CDH13: variants seen among roughly 807,000 people sequenced by gnomAD.
CDH13 encodes the protein cadherin-13.
CDH13 carries 24 observed loss-of-function variants against 63.8 expected under a neutral mutation model. The ratio of observed to expected loss-of-function variants is 0.38; its 90% CI spans 0.27 to 0.53. CDH13 has a LOEUF of 0.53. CDH13 is among the 20% of genes least tolerant of loss of function. CDH13 has a pLI of 0.85. For synonymous variants in CDH13, 503 were observed against 355.3 expected (o/e 1.42, Z -4.67); for missense variants, 1,049 against 903.1 (o/e 1.16, Z -2.07).
At chr16:83,163,612 C>A (rs574590612) in intron 4 of CDH13, among the ~76,000 whole-genome samples, 1 of 152,192 alleles carries the variant, frequency 6.6e-6, no homozygotes, top group African/African-American at 2.4e-5. Context: ...TCAGATGGAA[C>A]CATATGACTA....
intron 1 of CDH13, chr16:82,826,279 A>T (rs2086274354): frequency 1.3e-5 from 2 of 152,204 alleles, no homozygotes; most frequent in Admixed American, 1.3e-4. Context: ...CTTTCTCATG[A>T]AGTTAGACTG....
At chr16:83,685,400 A>T (rs1440692510) in intron 10 of CDH13, among the ~76,000 whole-genome samples, 1 of 152,208 alleles carries the variant, frequency 6.6e-6, no homozygotes, top group Non-Finnish European at 1.5e-5. Flanking sequence ...ATGATACTAG[A>T]TATTTGCATA....
chr16:82,883,085 C>T (rs887290755), intron 2 of CDH13, among the ~76,000 whole-genome samples: 8 of 152,076 alleles, frequency 5.3e-5, no homozygotes, highest in African/African-American at 1.9e-4. Context: ...TATAGAATGC[C>T]ATCACCTGAG....
intron 8 of CDH13, among the ~76,000 whole-genome samples, chr16:83,617,853 C>G (rs1909427854): frequency 6.6e-6 from 1 of 151,844 alleles, no homozygotes. Context: ...TGCACATGTC[C>G]TAATACGTAC....
At chr16:83,321,929 C>G (rs999254398) in intron 5 of CDH13, among the ~76,000 whole-genome samples, 13 of 152,182 alleles carry the variant, frequency 8.5e-5, no homozygotes, top group African/African-American at 2.4e-4. Context: ...GGGCCAGATT[C>G]AGTCCATGGA....
chr16:83,348,848 T>TA (rs1186986362), intron 6 of CDH13, among the ~76,000 whole-genome samples: 21 of 152,366 alleles, frequency 1.4e-4, no homozygotes, highest in African/African-American at 5.0e-4. Flanking sequence ...AAATGTACAA[T>TA]GAATGCCTTT....
At chr16:83,390,644 C>A (rs1444471840) in intron 6 of CDH13, among the ~76,000 whole-genome samples, 6 of 152,090 alleles carry the variant, frequency 3.9e-5, no homozygotes. Context: ...TGTCTCCCCA[C>A]CCCAACAGCC....
chr16:83,321,768 T>G (rs2090232386), intron 5 of CDH13, among the ~76,000 whole-genome samples: 1 of 152,184 alleles, frequency 6.6e-6, no homozygotes, highest in African/African-American at 2.4e-5. Context: ...GACCTCGTAA[T>G]CTGCCTGCCT....
At chr16:83,387,678 A>C (rs1349724530) in intron 6 of CDH13, among the ~76,000 whole-genome samples, 2 of 152,228 alleles carry the variant, frequency 1.3e-5, no homozygotes, top group Non-Finnish European at 2.9e-5. Flanking sequence ...AGCTCAGGGC[A>C]AGTCTTGGAC....
At chr16:83,178,603 G>A (rs1258881805) in intron 4 of CDH13, among the ~76,000 whole-genome samples, 1 of 152,176 alleles carries the variant, frequency 6.6e-6, no homozygotes, top group African/African-American at 2.4e-5. Context: ...TTTTAAAAAT[G>A]ATCACTTTGT....
chr16:82,706,691 C>A (rs2031521082), intron 1 of CDH13, among the ~76,000 whole-genome samples: 1 of 150,668 alleles, frequency 6.6e-6, no homozygotes, highest in Admixed American at 6.6e-5. Context: ...GTAATCCCAG[C>A]TACTTGGAAG....
At chr16:83,622,984 A>C (rs1909951635) in intron 8 of CDH13, among the ~76,000 whole-genome samples, 1 of 152,186 alleles carries the variant, frequency 6.6e-6, no homozygotes, top group Non-Finnish European at 1.5e-5. Context: ...TCTTACAAAT[A>C]AATTCAGAGT....
At chr16:82,698,826 C>T (rs758009849) in intron 1 of CDH13, among the ~76,000 whole-genome samples, 1 of 152,178 alleles carries the variant, frequency 6.6e-6, no homozygotes, top group Non-Finnish European at 1.5e-5. Flanking sequence ...CACACATTGC[C>T]TTTAAAAGGA....
chr16:83,662,780 G>A (rs879703974), intron 8 of CDH13, among the ~76,000 whole-genome samples: 2 of 152,140 alleles, frequency 1.3e-5, no homozygotes, highest in African/African-American at 2.4e-5. Context: ...TTTCCCCAGG[G>A]CGCCATTATT....
intron 1 of CDH13, among the ~76,000 whole-genome samples, chr16:82,790,761 C>G (rs985871672): frequency 1.3e-5 from 2 of 152,096 alleles, no homozygotes; most frequent in African/African-American, 4.8e-5. Flanking sequence ...AAGGAGAGTG[C>G]CAAGGGAAGA....
At position 83,202,748 on chromosome 16, in the gene CDH13, G is replaced by A. The variant is rs570176143; in HGVS notation, c.484-14597G>A. Among the ~76,000 whole-genome samples the A allele has an allele frequency of 2.6e-5, 4 of 152,278 alleles. No individual in the cohort carries two copies. In the South Asian group the frequency reaches 6.2e-4, roughly 24 times the overall value. ...GTTCATGTTGATTACTAGCAAATGG[G>A]AATAGTGCCAGGTTCATAATGCTGA... is the stretch of plus-strand genomic sequence containing the variant. On this transcript the variant is annotated intron_variant, in intron 4 of 13. Transcript: ENST00000567109.
chr16:82,834,247 A>G (rs145063627), intron 1 of CDH13, among the ~76,000 whole-genome samples: 1 of 152,294 alleles, frequency 6.6e-6, no homozygotes, highest in Non-Finnish European at 1.5e-5. Flanking sequence ...TTGTGCATGA[A>G]AAGCAGGGGC....
At chr16:82,710,463 G>T (rs1163355011) in intron 1 of CDH13, among the ~76,000 whole-genome samples, 2 of 140,586 alleles carry the variant, frequency 1.4e-5, no homozygotes, top group South Asian at 2.2e-4. Flanking sequence ...ACCCAGGAGG[G>T]CGGAGCTTGC....
chr16:83,548,731 T>C (rs2150666464), intron 7 of CDH13, among the ~76,000 whole-genome samples: 1 of 152,214 alleles, frequency 6.6e-6, no homozygotes. Flanking sequence ...GCAGCCTTTT[T>C]TTTTCTCTGT....
Sources: allele counts gnomAD v4.1 joint callset (sites outside exome capture counted in the v4.1 genomes callset), GRCh38; gene constraint gnomAD v4.1.1; transcripts MANE v1.5; gene names NCBI Gene and HGNC (gene_info 2026-07-23, HGNC 2026-07-21).